The following DNAH2 variants were observed in gnomAD, a reference collection of about 807,000 sequenced individuals.
DNAH2 encodes dynein axonemal heavy chain 2, also known as axonemal beta dynein heavy chain 2.
DNAH2 carries 323 observed loss-of-function variants against 523.5 expected under a neutral mutation model. That is an observed-to-expected ratio of 0.62 (90% CI 0.56 to 0.68). DNAH2 has a LOEUF of 0.68. Among genes scored for constraint, DNAH2 ranks in the 30% least tolerant of loss-of-function variants. The pLI is 0.00. For missense variants in DNAH2, 4,907 were observed against 5,701.5 expected, an observed-to-expected ratio of 0.86 and a Z score of 4.49; for synonymous variants, 2,093 against 2,177.4, an observed-to-expected ratio of 0.96 and a Z score of 1.08.
Position 7,833,447 on chromosome 17 carries a change from A to G in DNAH2, c.13198A>G (p.Ile4400Val). The change falls in exon 86 of 86, where the codon ATC (isoleucine) becomes GTC (valine). Residue 4400 changes from isoleucine (I) to valine (V), a missense_variant. Physicochemically the swap from Ile to Val is conservative, Grantham distance 29. Transcript: ENST00000572933. ...CAGCTCAGACCGAGCCTCCTTTGTCATCGGCATTGACCTGCGGTCTGGGGC... is the reference window on the plus strand; with the variant it reads ...CAGCTCAGACCGAGCCTCCTTTGTCGTCGGCATTGACCTGCGGTCTGGGGC... ...AGSSDRASFV[I>V]GIDLRSGAMT... The G allele has an allele frequency of 1.2e-6, 2 of 1,614,062 alleles. No homozygotes were observed. Among genetic ancestry groups the G allele is most frequent in the Non-Finnish European group, 1.7e-6 (2 of 1,180,004 alleles).
intron 1 of DNAH2, 105 bp from the exon 2 acceptor site, chr17:7,719,616 A>G (rs2074534492): frequency 7.2e-7 from 1 of 1,387,938 alleles, no homozygotes; most frequent in Non-Finnish European, 1.0e-6. Flanking sequence ...AGATGATCAT[A>G]TTGAGTTTCA....
Position 7,757,103 on chromosome 17 carries a change from T to C in DNAH2, c.1917T>C (p.Ile639=). ...CTCTCTCTCAAAGGTCCCTTCTGATTCTCTTTGCGGAAATTGACTACTGGG... is the reference window on the plus strand; with the variant it reads ...CTCTCTCTCAAAGGTCCCTTCTGATCCTCTTTGCGGAAATTGACTACTGGG... The part of the protein sequence containing the change: ...LDVNFDKSLL[I]LFAEIDYWER... The change falls in exon 13 of 86, where the codon ATT becomes ATC. Residue 639 remains isoleucine, a synonymous_variant. Transcript: ENST00000572933. 1.2e-6 allele frequency: 2 copies of C among 1,614,114 alleles called. No homozygotes were observed. Among genetic ancestry groups the C allele is most frequent in the Non-Finnish European group, 1.7e-6 (2 of 1,180,004 alleles).
intron 14 of DNAH2, 71 bp from the exon 15 acceptor site, chr17:7,758,814 G>A: frequency 6.3e-7 from 1 of 1,591,038 alleles, no homozygotes; most frequent in South Asian, 1.1e-5. Context: ...GAGAACAAGT[G>A]GGAGGGTAGA....
chr17:7,743,625 C>A, intron 12 of DNAH2: 1 of 454,060 alleles, frequency 2.2e-6, no homozygotes, highest in Non-Finnish European at 3.9e-6. Flanking sequence ...GAGATCACAC[C>A]ACTACACTCC....
At chr17:7,775,400 C>G in intron 30 of DNAH2, 58 bp downstream of exon 30, 1 of 1,531,470 alleles carries the variant, frequency 6.5e-7, no homozygotes, top group Non-Finnish European at 8.9e-7. Flanking sequence ...AGAAAGTTCA[C>G]CTGGGTCGGG....
intron 8 of DNAH2, chr17:7,738,876 T>G (rs752813943): frequency 1.2e-4 from 84 of 689,224 alleles, no homozygotes; most frequent in Non-Finnish European, 1.9e-4. Context: ...TAGGTTTGCA[T>G]AGCCAGACTG....
At position 7,798,696 on chromosome 17, in the gene DNAH2, A is replaced by G; in HGVS notation, c.8537A>G (p.Tyr2846Cys). 1 of 1,613,786 alleles carries G rather than the reference A, an allele frequency of 6.2e-7. No homozygotes were observed. The highest frequency in any genetic ancestry group is 1.7e-5 in the Admixed American group (1 of 60,004). ...ILSSGEVPNL[Y>C]KPDEFEEIQS... The stretch of plus-strand genomic sequence containing the variant: ...AGCTCAGGCGAGGTGCCCAATCTCT[A>G]CAAGCCTGATGAATTTGAAGAGGTA... The change falls in exon 55 of 86, where the codon TAC (tyrosine) becomes TGC (cysteine). Residue 2846 changes from tyrosine (Y) to cysteine (C), a missense_variant. Physicochemically the swap from Tyr to Cys is radical, Grantham distance 194. This residue lies in a region of DNAH2 where 1,851 missense variants were observed against 2,139.4 expected (regional missense o/e 0.87). Transcript: ENST00000572933. This position sits in a 1 kb window ranked among gnomAD's most constrained non-coding sequence, Gnocchi z 5.5.
At chr17:7,733,909 G>A (rs2075065597) in intron 5 of DNAH2, among the ~76,000 whole-genome samples, 2 of 152,152 alleles carry the variant, frequency 1.3e-5, no homozygotes, top group Non-Finnish European at 2.9e-5. Context: ...GGGGACACTG[G>A]GAGGACTCAC....
At chr17:7,815,783 A>G (rs2077649801) in intron 63 of DNAH2, among the ~76,000 whole-genome samples, 1 of 152,086 alleles carries the variant, frequency 6.6e-6, no homozygotes, top group South Asian at 2.1e-4. Context: ...ATCTTGGGAC[A>G]AGGCTCTATC....
chr17:7,797,495 A>G lies in DNAH2; in HGVS notation c.8045A>G (p.His2682Arg), dbSNP rs756044532. The change falls in exon 52 of 86, where the codon CAT (histidine) becomes CGT (arginine). Residue 2682 changes from histidine to arginine, a missense_variant. Transcript: ENST00000572933. ...KLGSFFDLTF[H>R]HLCPSKRPPI... ...GGCTCCTTCTTTGACCTCACATTTC[A>G]TCATCTCTGTCCCAGCAAGCGTCCT... 2.5e-6 allele frequency: 4 copies of G among 1,614,056 alleles called. No homozygotes were observed. In the East Asian group the frequency reaches 8.9e-5, roughly 36 times the overall value.
At chr17:7,812,421 CAGCCTGGGCAACAT>C (rs1201205376) in intron 63 of DNAH2, among the ~76,000 whole-genome samples, 3 of 151,986 alleles carry the variant, frequency 2.0e-5, no homozygotes, top group African/African-American at 7.3e-5. Context: ...AGTTGGAGAT[CAGCCTGGGCAACAT>C]AGAGAGACTT....
rs745484174 is a variant in DNAH2, at chr17:7,823,564, G to C, written c.11265G>C (p.Glu3755Asp). 6.2e-7 allele frequency: 1 copy of C among 1,614,182 alleles called. No homozygotes were observed. Among genetic ancestry groups the C allele is most frequent in the Non-Finnish European group, 8.5e-7 (1 of 1,180,036 alleles). The change falls in exon 74 of 86, where the codon GAG becomes GAC. Residue 3755 changes from glutamate to aspartate, a missense_variant. Physicochemically the swap from Glu to Asp is conservative, Grantham distance 45. Around this residue, in one of 3 missense-constraint regions of DNAH2, gnomAD observed 1,851 missense variants for 2,139.4 expected, o/e 0.87. Transcript: ENST00000572933. The part of the protein sequence containing the change: ...TNFHGLMNSF[E>D]QYPRDWHLWY... ...TCCACGGACTCATGAACTCCTTTGA[G>C]CAGTACCCTCGTGACTGGCACCTGT...
intron 4 of DNAH2, among the ~76,000 whole-genome samples, chr17:7,731,199 G>A (rs1372784817): frequency 6.6e-6 from 1 of 151,820 alleles, no homozygotes; most frequent in Non-Finnish European, 1.5e-5. Flanking sequence ...GAAAAAGGTT[G>A]GGGAGTGCTT....
intron 11 of DNAH2, 136 bp downstream of exon 11, chr17:7,741,128 A>G (rs1482870936): frequency 9.2e-7 from 1 of 1,083,588 alleles, no homozygotes; most frequent in South Asian, 1.9e-5. Context: ...GGTCCAGTTC[A>G]GTGAGGTCAG....
Position 7,817,675 on chromosome 17 carries a change from A to T in DNAH2, c.10135A>T (p.Thr3379Ser). 1 of 1,614,088 alleles carries T rather than the reference A, an allele frequency of 6.2e-7. No homozygotes were observed. Among genetic ancestry groups the T allele is most frequent in the Non-Finnish European group, 8.5e-7 (1 of 1,180,004 alleles). ...IQGLPSDAFSTENGIIVTRGN... is the reference protein window; with the variant it reads ...IQGLPSDAFSSENGIIVTRGN... ...AGGGTTGCCCTCAGACGCCTTCTCC[A>T]CTGAGAATGGCATCATCGTCACCCG... The change falls in exon 66 of 86, where the codon ACT becomes TCT. Residue 3379 changes from threonine (T) to serine (S), a missense_variant. Physicochemically the swap from Thr to Ser is moderately conservative, Grantham distance 58. Transcript: ENST00000572933.
At chr17:7,812,555 G>A (rs147610383) in intron 63 of DNAH2, among the ~76,000 whole-genome samples, 2,797 of 151,912 alleles carry the variant, frequency 0.018, 89 homozygotes, top group African/African-American at 0.061. Context: ...AAGGTTGAGG[G>A]TGCAGTGAGC....
In DNAH2 at chr17:7,818,111, C is replaced by T. The variant is rs556740117; in HGVS notation, c.10387+15C>T. The T allele has an allele frequency of 6.8e-6, 11 of 1,609,052 alleles. No individual in the cohort carries two copies. In the East Asian group the frequency reaches 2.5e-4, roughly 36 times the overall value. On this transcript the variant is annotated intron_variant, in intron 68 of 85. Transcript: ENST00000572933. ...AGCCCGAATCGGTCAGGACAAGTCC[C>T]CAAGACCAGCCAAGTGGGATGCTAG...
Position 7,832,454 on chromosome 17 carries a change from A to G in DNAH2, c.12727-125A>G. ...AACTTGGGAGGTGGAGGTTGCAGTG[A>G]GCCAAGATCGTACCACTGCACTCCA... On this transcript the variant is annotated intron_variant, in intron 82 of 85. Transcript: ENST00000572933. This position sits in a 1 kb window ranked among gnomAD's most constrained non-coding sequence, Gnocchi z 4.3. The G allele has an allele frequency of 8.5e-7, 1 of 1,173,406 alleles. No individual in the cohort carries two copies. The highest frequency in any genetic ancestry group is 2.4e-5 in the East Asian group (1 of 41,880). 72.7% of individuals were successfully genotyped at this position (1,173,406 alleles called of 1,614,324 possible).
chr17:7,752,570 C>T (rs2075718635), intron 12 of DNAH2, among the ~76,000 whole-genome samples: 1 of 152,034 alleles, frequency 6.6e-6, no homozygotes, highest in South Asian at 2.1e-4. Flanking sequence ...ATTAGCGGGG[C>T]GTGGTGGCGG....
Sources: gnomAD v4.1 joint callset for allele counts (sites outside exome capture counted in the v4.1 genomes callset) on GRCh38, gnomAD v4.1.1 for gene constraint, gnomAD v4.1.1 regional missense constraint, Gnocchi (gnomAD v3.1) non-coding constraint, MANE v1.5 for transcripts, NCBI Gene and HGNC (gene_info 2026-07-23, HGNC 2026-07-21) for gene names.